SORCS1: variants seen among roughly 807,000 people sequenced by gnomAD.
The protein encoded by SORCS1 is sortilin related VPS10 domain containing receptor 1.
Under a neutral mutation model 146.1 loss-of-function variants are expected in SORCS1, and 60 were observed. The ratio of observed to expected loss-of-function variants is 0.41; its 90% CI spans 0.33 to 0.51. The LOEUF is 0.51. Among genes scored for constraint, SORCS1 ranks in the 20% least tolerant of loss-of-function variants. SORCS1 has a pLI of 0.21. For synonymous variants in SORCS1, 637 were observed against 584.0 expected (o/e 1.09, Z -1.31); for missense variants, 1,352 against 1,487.6 (o/e 0.91, Z 1.50).
chr10:106,617,317 A>G (rs77107400), intron 21 of SORCS1, among the ~76,000 whole-genome samples: 2 of 152,076 alleles, frequency 1.3e-5, no homozygotes, highest in East Asian at 3.9e-4. Context: ...CTCTCTGCAC[A>G]GCATTTCCTT....
chr10:106,683,982 A>G (rs1852630369), intron 10 of SORCS1, among the ~76,000 whole-genome samples: 1 of 152,124 alleles, frequency 6.6e-6, no homozygotes, highest in African/African-American at 2.4e-5. Context: ...AGATTCTCCA[A>G]TGGAAGAAAG....
chr10:107,150,227 T>A (rs1006572168), intron 1 of SORCS1, among the ~76,000 whole-genome samples: 3 of 152,248 alleles, frequency 2.0e-5, no homozygotes, highest in Non-Finnish European at 2.9e-5. Flanking sequence ...CATGTTTTAG[T>A]ATTTTTATTA....
Position 107,009,523 on chromosome 10 carries a change from A to G in SORCS1, c.559-52943T>C, listed in dbSNP as rs1957601412. Among the ~76,000 whole-genome samples the G allele has an allele frequency of 2.0e-5, 3 of 152,342 alleles. No homozygotes were observed. The South Asian group carries it at 6.2e-4, about 32-fold the overall frequency. ...AAAATAGAATATAGTTTTTAGTAGC[A>G]AAATAAGCATAACACAGGACACAAT... On this transcript the variant is annotated intron_variant, in intron 1 of 25. Transcript: ENST00000263054.
intron 1 of SORCS1, among the ~76,000 whole-genome samples, chr10:107,034,888 ATAATT>A (rs1334715328): frequency 1.3e-5 from 2 of 151,892 alleles, no homozygotes; most frequent in African/African-American, 2.4e-5. Flanking sequence ...CAAATATAAA[ATAATT>A]TAATCTATTC....
intron 17 of SORCS1, among the ~76,000 whole-genome samples, chr10:106,663,418 G>A (rs1850886230): frequency 6.6e-6 from 1 of 152,128 alleles, no homozygotes; most frequent in Admixed American, 6.5e-5. Context: ...AGTTGTGTGG[G>A]GAAAGGGGGC....
chr10:107,165,099 C>CT (rs1970006986), upstream of SORCS1, among the ~76,000 whole-genome samples: 1 of 152,074 alleles, frequency 6.6e-6, no homozygotes, highest in Non-Finnish European at 1.5e-5. This position sits in a 1 kb window ranked among gnomAD's most constrained non-coding sequence, Gnocchi z 4.0. Flanking sequence ...TTGCTGTTTC[C>CT]TTTTTTCTCC....
intron 1 of SORCS1, among the ~76,000 whole-genome samples, chr10:107,114,843 T>C (rs1466776343): frequency 6.6e-6 from 1 of 152,092 alleles, no homozygotes; most frequent in African/African-American, 2.4e-5. Context: ...TAATATTATA[T>C]ACAGAAAAAC....
chr10:107,168,034 A>G (rs1006504641), upstream of SORCS1, among the ~76,000 whole-genome samples: 2 of 152,154 alleles, frequency 1.3e-5, no homozygotes, highest in African/African-American at 4.8e-5. Flanking sequence ...CACAAACAGA[A>G]TAATATCCAA....
At chr10:107,090,930 A>ACC (rs1964139614) in intron 1 of SORCS1, among the ~76,000 whole-genome samples, 1 of 151,952 alleles carries the variant, frequency 6.6e-6, no homozygotes, top group African/African-American at 2.4e-5. Context: ...ACACACACAC[A>ACC]CACACACACA....
intron 2 of SORCS1, among the ~76,000 whole-genome samples, chr10:106,903,958 CCTT>C (rs1204306226): frequency 1.3e-5 from 2 of 152,146 alleles, no homozygotes; most frequent in Non-Finnish European, 2.9e-5. Flanking sequence ...GAAAAATCAT[CCTT>C]CTTCCCTCAA....
At chr10:106,803,295 C>A (rs1947003076) in intron 3 of SORCS1, among the ~76,000 whole-genome samples, 1 of 152,124 alleles carries the variant, frequency 6.6e-6, no homozygotes, top group African/African-American at 2.4e-5. Flanking sequence ...ATTTACATAT[C>A]CATATCTTTC....
chr10:107,131,543 C>T (rs184015698), intron 1 of SORCS1, among the ~76,000 whole-genome samples: 107 of 152,096 alleles, frequency 7.0e-4, no homozygotes, highest in African/African-American at 2.5e-3. Context: ...GCCAACATGG[C>T]GAACCCCCCC....
intron 1 of SORCS1, among the ~76,000 whole-genome samples, chr10:107,087,981 T>C (rs899790682): frequency 2.6e-5 from 4 of 152,234 alleles, no homozygotes; most frequent in East Asian, 1.9e-4. Context: ...CACAGTGGCG[T>C]GATCTCGGCT....
At chr10:106,587,669 G>A (rs1368376294) in intron 24 of SORCS1, among the ~76,000 whole-genome samples, 1 of 152,104 alleles carries the variant, frequency 6.6e-6, no homozygotes, top group Non-Finnish European at 1.5e-5. Flanking sequence ...ACCTGCAAAA[G>A]AAATTAAACC....
chr10:107,146,282 G>A (rs1383482105), intron 1 of SORCS1, among the ~76,000 whole-genome samples: 1 of 151,974 alleles, frequency 6.6e-6, no homozygotes, highest in Admixed American at 6.6e-5. Flanking sequence ...ACAGATTTCT[G>A]TAAATGCATT....
chr10:107,065,454 C>T (rs71475440), intron 1 of SORCS1, among the ~76,000 whole-genome samples: 2,017 of 67,974 alleles, frequency 0.03, 108 homozygotes, highest in African/African-American at 0.12. Context: ...TTTCTTTTCT[C>T]TCTTTCTCTC....
intron 3 of SORCS1, among the ~76,000 whole-genome samples, chr10:106,806,617 G>A (rs1322536877): frequency 1.5e-5 from 2 of 137,632 alleles, no homozygotes; most frequent in Admixed American, 8.1e-5. Context: ...CCGGGTTCAC[G>A]CCATTCTCCT....
At chr10:106,927,928 T>G (rs758609853) in intron 2 of SORCS1, among the ~76,000 whole-genome samples, 3 of 152,190 alleles carry the variant, frequency 2.0e-5, no homozygotes, top group Non-Finnish European at 4.4e-5. Context: ...TGTCCATTGG[T>G]GCATTCACAA....
At chr10:106,958,341 TG>T (rs1303961433) in intron 1 of SORCS1, among the ~76,000 whole-genome samples, 3 of 152,212 alleles carry the variant, frequency 2.0e-5, no homozygotes, top group Non-Finnish European at 4.4e-5. Flanking sequence ...AATTCTTCTC[TG>T]AAGGCCAAGG....
Sources: allele counts gnomAD v4.1 joint callset (sites outside exome capture counted in the v4.1 genomes callset), GRCh38; gene constraint gnomAD v4.1.1; non-coding constraint Gnocchi (gnomAD v3.1); transcripts MANE v1.5; gene names NCBI Gene and HGNC (gene_info 2026-07-23, HGNC 2026-07-21).